SPOCK1: variants seen among roughly 807,000 people sequenced by gnomAD.
SPOCK1 encodes the protein testican-1.
A neutral mutation model predicts 55.3 loss-of-function variants in SPOCK1; 23 were observed. That is an observed-to-expected ratio of 0.42 (90% CI 0.30 to 0.59). The LOEUF (loss-of-function observed/expected upper bound fraction) is 0.59, where lower values mean the gene tolerates loss of function less well. Ranked by LOEUF, SPOCK1 falls within the 20% of genes least tolerant of loss-of-function variation. SPOCK1 has a pLI of 0.22. For missense variants in SPOCK1, 499 were observed against 552.5 expected (o/e 0.90, Z 0.97); for synonymous variants, 226 against 221.0 (o/e 1.02, Z -0.20).
chr5:137,401,558 C>CAAAAAAAAAAAAA (rs34044799), intron 2 of SPOCK1, among the ~76,000 whole-genome samples: 2 of 100,452 alleles, frequency 2.0e-5, no homozygotes, highest in Non-Finnish European at 3.8e-5. Context: ...CTCATCTCTA[C>CAAAAAAAAAAAAA]AAAAAAAAAA....
At chr5:137,181,753 T>C (rs1754974539) in intron 3 of SPOCK1, among the ~76,000 whole-genome samples, 1 of 152,246 alleles carries the variant, frequency 6.6e-6, no homozygotes, top group Non-Finnish European at 1.5e-5. Flanking sequence ...TAAGCTAATC[T>C]TGCCACCATC....
At chr5:137,097,811 TTAA>T (rs1240683815) in intron 5 of SPOCK1, among the ~76,000 whole-genome samples, 2 of 152,122 alleles carry the variant, frequency 1.3e-5, no homozygotes, top group East Asian at 3.9e-4. Context: ...TGCCACGGGA[TTAA>T]TAATGAGTAA....
intron 2 of SPOCK1, among the ~76,000 whole-genome samples, chr5:137,414,278 G>A (rs1302274707): frequency 6.6e-6 from 1 of 152,208 alleles, no homozygotes; most frequent in Non-Finnish European, 1.5e-5. Flanking sequence ...GAGCAGGCCA[G>A]TATTTCTGAG....
At chr5:137,227,415 A>G (rs1429770261) in intron 3 of SPOCK1, among the ~76,000 whole-genome samples, 1 of 152,248 alleles carries the variant, frequency 6.6e-6, no homozygotes, top group Non-Finnish European at 1.5e-5. Context: ...ATTTGAAAGC[A>G]AGAGCAGAAT....
At chr5:137,086,049 G>T (rs1752955845) in intron 5 of SPOCK1, among the ~76,000 whole-genome samples, 2 of 152,186 alleles carry the variant, frequency 1.3e-5, no homozygotes, top group African/African-American at 4.8e-5. Flanking sequence ...AATTTAAAAT[G>T]CTCATAGAGT....
intron 2 of SPOCK1, among the ~76,000 whole-genome samples, chr5:137,406,416 G>A (rs1752101215): frequency 6.6e-6 from 1 of 152,152 alleles, no homozygotes; most frequent in Admixed American, 6.5e-5. Context: ...TGGGCCTGGG[G>A]GTCTGGGCAG....
At chr5:137,241,347 ATC>A (rs1480546910) in intron 3 of SPOCK1, among the ~76,000 whole-genome samples, 2 of 152,226 alleles carry the variant, frequency 1.3e-5, no homozygotes, top group Admixed American at 1.3e-4. Flanking sequence ...AAAGGCTAAT[ATC>A]TCTCTATATA....
In SPOCK1 at chr5:137,498,481, C is replaced by T. The variant is rs759202068; in HGVS notation, c.78G>A (p.Ala26=). The T allele has an allele frequency of 2.1e-5, 34 of 1,599,346 alleles. No individual in the cohort carries two copies. Among genetic ancestry groups the T allele is most frequent in the Non-Finnish European group, 2.8e-5 (33 of 1,175,196 alleles). The part of the protein sequence containing the change: ...FLQVESRHLD[A]LAGGAGPNHG... ...GGTTGGGGCCCGCGCCTCCGGCGAG[C>T]GCGTCCAGGTGCCGGCTCTCGACTT... Residue 26 remains alanine, a synonymous_variant, in exon 2 of 11, where the codon GCG becomes GCA. Transcript: ENST00000394945.
chr5:136,978,198 GTTTT>G lies in SPOCK1; in HGVS notation c.*452_*455del. On this transcript the variant is annotated 3_prime_UTR_variant, in exon 11 of 11. Transcript: ENST00000394945. ...AAAAGTACAGTGTGGTGTATTTTTTGTTTTTTTCTTTTTCACAACATCTACAGGA... is the reference window on the plus strand; with the variant it reads ...AAAAGTACAGTGTGGTGTATTTTTTGTTTCTTTTTCACAACATCTACAGGA... 1 of 349,612 alleles carries G rather than the reference GTTTT, an allele frequency of 2.9e-6. No homozygotes were observed. The highest frequency in any genetic ancestry group is 5.1e-6 in the Non-Finnish European group (1 of 196,024). 21.7% of individuals were successfully genotyped at this position (349,612 alleles called of 1,614,324 possible).
At chr5:137,277,380 A>G (rs551631861) in intron 2 of SPOCK1, among the ~76,000 whole-genome samples, 39 of 152,338 alleles carry the variant, frequency 2.6e-4, no homozygotes, top group African/African-American at 9.1e-4. Flanking sequence ...TAAAATTACT[A>G]TACAAGTTCA....
intron 6 of SPOCK1, among the ~76,000 whole-genome samples, chr5:137,009,089 A>G (rs1751303970): frequency 6.6e-6 from 1 of 152,214 alleles, no homozygotes; most frequent in East Asian, 1.9e-4. Flanking sequence ...TCACCTCTCA[A>G]AAGAATAAGA....
intron 2 of SPOCK1, among the ~76,000 whole-genome samples, chr5:137,316,503 G>A (rs946603699): frequency 6.6e-6 from 1 of 152,156 alleles, no homozygotes; most frequent in African/African-American, 2.4e-5. Context: ...AGAGCTAAAG[G>A]CTGAGAGCTG....
chr5:137,271,430 G>GT (rs985626269), intron 2 of SPOCK1, among the ~76,000 whole-genome samples: 1 of 149,826 alleles, frequency 6.7e-6, no homozygotes, highest in African/African-American at 2.4e-5. Flanking sequence ...ATTACTATAT[G>GT]TTTTTCATAC....
intron 5 of SPOCK1, among the ~76,000 whole-genome samples, chr5:137,088,435 C>T (rs1469067815): frequency 1.3e-5 from 2 of 152,172 alleles, no homozygotes; most frequent in African/African-American, 4.8e-5. Flanking sequence ...GGGTTTGTTT[C>T]TACTTTTGGA....
chr5:137,160,603 A>T (rs1362086140), intron 3 of SPOCK1, among the ~76,000 whole-genome samples: 1,298 of 78,988 alleles, frequency 0.016, 90 homozygotes, highest in African/African-American at 0.061. Flanking sequence ...AATATATTAT[A>T]TATAATATAT....
chr5:137,235,805 G>A (rs1455318631), intron 3 of SPOCK1, among the ~76,000 whole-genome samples: 2 of 152,252 alleles, frequency 1.3e-5, no homozygotes, highest in African/African-American at 4.8e-5. Context: ...GAATGTGTGA[G>A]TACAAGAGGC....
intron 2 of SPOCK1, among the ~76,000 whole-genome samples, chr5:137,389,082 G>A (rs868853054): frequency 1.3e-5 from 2 of 152,188 alleles, no homozygotes; most frequent in African/African-American, 4.8e-5. Flanking sequence ...CACACTTCCT[G>A]GGAGATGGTT....
At chr5:137,320,048 A>G (rs143338489) in intron 2 of SPOCK1, among the ~76,000 whole-genome samples, 216 of 152,366 alleles carry the variant, frequency 1.4e-3, no homozygotes, top group African/African-American at 5.1e-3. Context: ...AGGCAACTCA[A>G]AATCAAGAAC....
At chr5:137,226,029 T>C (rs919989) in intron 3 of SPOCK1, among the ~76,000 whole-genome samples, 131,322 of 152,130 alleles carry the variant, frequency 0.86, 56,769 homozygotes, top group African/African-American at 0.91. Flanking sequence ...AGGCCACAGC[T>C]CAACAGGGAC....
Sources: allele counts gnomAD v4.1 joint callset (sites outside exome capture counted in the v4.1 genomes callset), GRCh38; gene constraint gnomAD v4.1.1; transcripts MANE v1.5; gene names NCBI Gene and HGNC (gene_info 2026-07-23, HGNC 2026-07-21).